HPSE2: variants seen among roughly 807,000 people sequenced by gnomAD.
HPSE2 encodes the protein inactive heparanase-2.
A neutral mutation model predicts 60.5 loss-of-function variants in HPSE2; 38 were observed. The observed-to-expected ratio is 0.63, with a 90% CI of 0.48 to 0.82. HPSE2 has a LOEUF of 0.82. Ranked by LOEUF, HPSE2 falls within the 40% of genes least tolerant of loss-of-function variation. The probability of loss-of-function intolerance (pLI) is 0.00; values close to 1 mark genes in which losing one functional copy is unlikely to be tolerated. For missense variants in HPSE2, 713 were observed against 740.4 expected (o/e 0.96, Z 0.43); for synonymous variants, 295 against 293.2 (o/e 1.01, Z -0.06).
In HPSE2 at chr10:98,457,871, A is replaced by G; in HGVS notation, c.*1703T>C. 1 of 152,486 alleles carries G rather than the reference A, an allele frequency of 6.6e-6. No individual in the cohort carries two copies. Among genetic ancestry groups the G allele is most frequent in the Admixed American group, 6.5e-5 (1 of 15,282 alleles). The allele number at this position is 152,486 out of a possible 1,614,324, so 9.4% of individuals were successfully genotyped here. On this transcript the variant is annotated 3_prime_UTR_variant, in exon 12 of 12. Coordinates refer to ENST00000370552, the MANE Select transcript of HPSE2 (RefSeq NM_021828.5). ...GCTTCCATGCTGAGCACAGCCACTG[A>G]CCTGGTGCAGCCTGGTCCTCGGGCT...
chr10:98,957,682 C>T (rs1376156636), intron 3 of HPSE2, among the ~76,000 whole-genome samples: 2 of 152,120 alleles, frequency 1.3e-5, no homozygotes, highest in African/African-American at 2.4e-5. Flanking sequence ...GAGTCTCACT[C>T]TCTCTCTCCC....
intron 9 of HPSE2, among the ~76,000 whole-genome samples, chr10:98,490,655 T>A (rs1483461200): frequency 6.6e-6 from 1 of 152,206 alleles, no homozygotes. Flanking sequence ...TCTCCAAATA[T>A]TATCACTGAA....
At chr10:98,916,016 C>G (rs1954112229) in intron 3 of HPSE2, among the ~76,000 whole-genome samples, 1 of 152,130 alleles carries the variant, frequency 6.6e-6, no homozygotes, top group African/African-American at 2.4e-5. Flanking sequence ...TTGCCCTGTT[C>G]TAGCTTGCTA....
intron 3 of HPSE2, among the ~76,000 whole-genome samples, chr10:98,929,438 C>CCTT (rs1433207154): frequency 6.9e-6 from 1 of 144,046 alleles, no homozygotes; most frequent in South Asian, 2.1e-4. Context: ...AAAGATAATA[C>CCTT]TCAAGATCCT....
rs565404520 is a variant in HPSE2, at chr10:98,743,735, A to G, written c.784+148T>C. ...ACTGTCCTTCACTATTTGGTCTTCT[A>G]CCATTTGGATAGTCAACTCAGTGGC... On this transcript the variant is annotated intron_variant, in intron 4 of 11. Coordinates refer to ENST00000370552, the MANE Select transcript of HPSE2 (RefSeq NM_021828.5). 3.4e-5 allele frequency: 25 copies of G among 725,816 alleles called. No homozygotes were observed. In the South Asian group the frequency reaches 3.9e-4, roughly 11 times the overall value. The allele number at this position is 725,816 out of a possible 1,614,324, so 45.0% of individuals were successfully genotyped here. A position where few individuals can be genotyped will look rare whatever the true frequency, so the allele number is the denominator to read the frequency against.
chr10:98,948,747 A>C (rs1444455996), intron 3 of HPSE2, among the ~76,000 whole-genome samples: 2 of 151,966 alleles, frequency 1.3e-5, no homozygotes, highest in Non-Finnish European at 2.9e-5. Flanking sequence ...CCACCCTGAG[A>C]CAGCAAGACC....
intron 6 of HPSE2, among the ~76,000 whole-genome samples, chr10:98,648,309 G>T (rs963813527): frequency 6.6e-6 from 1 of 152,174 alleles, no homozygotes; most frequent in Non-Finnish European, 1.5e-5. Context: ...AAGGAAAGAG[G>T]TAGGGAAATC....
At chr10:98,968,366 G>A (rs1955866459) in intron 3 of HPSE2, among the ~76,000 whole-genome samples, 2 of 152,064 alleles carry the variant, frequency 1.3e-5, no homozygotes, top group Admixed American at 1.3e-4. Context: ...TGTTGGTGTG[G>A]GTGTGGTGAA....
intron 6 of HPSE2, among the ~76,000 whole-genome samples, chr10:98,643,405 T>C (rs925652481): frequency 6.6e-6 from 1 of 152,218 alleles, no homozygotes; most frequent in Non-Finnish European, 1.5e-5. Flanking sequence ...AGGAGACTGA[T>C]TAATTAAGTT....
chr10:98,648,085 T>C (rs940863078), intron 6 of HPSE2, among the ~76,000 whole-genome samples: 1 of 152,224 alleles, frequency 6.6e-6, no homozygotes, highest in Admixed American at 6.5e-5. Flanking sequence ...TAACCCATAA[T>C]GAGCCAACCG....
At chr10:98,609,496 A>G (rs1945688794) in intron 9 of HPSE2, among the ~76,000 whole-genome samples, 1 of 152,340 alleles carries the variant, frequency 6.6e-6, no homozygotes, top group Non-Finnish European at 1.5e-5. Context: ...TTCCATACAA[A>G]AAATTCACGT....
chr10:98,644,349 C>A (rs749819220), intron 6 of HPSE2, among the ~76,000 whole-genome samples: 2 of 152,154 alleles, frequency 1.3e-5, no homozygotes, highest in Non-Finnish European at 2.9e-5. Flanking sequence ...CACTGAAAGG[C>A]CATGGGATGG....
Position 98,939,263 on chromosome 10 carries a change from T to C in HPSE2, c.611-195207A>G, listed in dbSNP as rs1269961726. Reference sequence around the variant, plus strand: ...TAACTTTAATTGTAAATGGATTAAATGCTCCAATTAAAAGACACAGACTGG... The same window carrying C: ...TAACTTTAATTGTAAATGGATTAAACGCTCCAATTAAAAGACACAGACTGG... On this transcript the variant is annotated intron_variant, in intron 3 of 11. Coordinates refer to ENST00000370552, the MANE Select transcript of HPSE2 (RefSeq NM_021828.5). Among the ~76,000 whole-genome samples, 2 of 143,938 alleles carry C rather than the reference T, an allele frequency of 1.4e-5. 1 individual carries two copies. 94.4% of individuals were successfully genotyped at this position (143,938 alleles called of 152,430 possible). A position where few individuals can be genotyped will look rare whatever the true frequency, so the allele number is the denominator to read the frequency against.
intron 9 of HPSE2, among the ~76,000 whole-genome samples, chr10:98,582,152 G>A (rs1320660251): frequency 6.6e-6 from 1 of 152,132 alleles, no homozygotes; most frequent in African/African-American, 2.4e-5. Context: ...CAGAACTAGA[G>A]TTATTTCAAC....
intron 3 of HPSE2, among the ~76,000 whole-genome samples, chr10:98,885,606 A>G (rs1162582691): frequency 6.6e-6 from 1 of 152,132 alleles, no homozygotes; most frequent in African/African-American, 2.4e-5. Context: ...TTGTCAACAT[A>G]GAGACAAGGC....
At chr10:99,156,338 G>A (rs1846558670) in intron 2 of HPSE2, among the ~76,000 whole-genome samples, 2 of 141,724 alleles carry the variant, frequency 1.4e-5, no homozygotes, top group Admixed American at 7.3e-5. Flanking sequence ...GAACATTGAC[G>A]CAAAAATCCT....
At chr10:99,133,373 A>G (rs910946066) in intron 3 of HPSE2, among the ~76,000 whole-genome samples, 1 of 152,234 alleles carries the variant, frequency 6.6e-6, no homozygotes, top group Non-Finnish European at 1.5e-5. Flanking sequence ...CTCCCAGCAC[A>G]GCATTCGAGC....
chr10:98,939,512 A>C (rs1954922482), intron 3 of HPSE2, among the ~76,000 whole-genome samples: 2 of 143,856 alleles, frequency 1.4e-5, no homozygotes, highest in Admixed American at 1.4e-4. Flanking sequence ...TAAAGGGATC[A>C]ATTCAACAAG....
At position 98,936,113 on chromosome 10, in the gene HPSE2, G is replaced by A. The variant is rs181706155; in HGVS notation, c.611-192057C>T. Among the ~76,000 whole-genome samples, 42 of 144,554 alleles carry A rather than the reference G, an allele frequency of 2.9e-4. 6 individuals carry two copies. The highest frequency in any genetic ancestry group is 2.8e-3 in the Admixed American group (41 of 14,604). The allele number at this position is 144,554 out of a possible 152,430, so 94.8% of individuals were successfully genotyped here. On this transcript the variant is annotated intron_variant, in intron 3 of 11. Transcript: ENST00000370552. ...TCCTTAGCCCTCTCAGGGGAAAACTGCCTACTAAAGCCACAGTAATGGTAG... is the reference window on the plus strand; with the variant it reads ...TCCTTAGCCCTCTCAGGGGAAAACTACCTACTAAAGCCACAGTAATGGTAG...
Sources: gnomAD v4.1 joint callset for allele counts (sites outside exome capture counted in the v4.1 genomes callset) on GRCh38, gnomAD v4.1.1 for gene constraint, MANE v1.5 for transcripts, NCBI Gene and HGNC (gene_info 2026-07-23, HGNC 2026-07-21) for gene names.